The following CACNG3 variants were observed in gnomAD, a reference collection of about 807,000 sequenced individuals.
CACNG3 encodes the protein calcium voltage-gated channel auxiliary subunit gamma 3.
In CACNG3, 3 loss-of-function variants were observed where a neutral mutation model predicts 28.5. The observed-to-expected ratio is 0.11, with a 90% CI of 0.05 to 0.27. The LOEUF (loss-of-function observed/expected upper bound fraction) is 0.27. CACNG3 is among the 10% of genes least tolerant of loss of function. The pLI, the probability that CACNG3 is intolerant of heterozygous loss-of-function variation, is 1.00. For missense variants in CACNG3, 236 were observed against 414.4 expected, an observed-to-expected ratio of 0.57 and a Z score of 3.74; for synonymous variants, 174 against 162.2, an observed-to-expected ratio of 1.07 and a Z score of -0.55.
chr16:24,333,033 A>T (rs1899652350), intron 1 of CACNG3, among the ~76,000 whole-genome samples: 1 of 152,264 alleles, frequency 6.6e-6, no homozygotes, highest in Non-Finnish European at 1.5e-5. Context: ...TGAATATCAA[A>T]GGATTAACAG....
At chr16:24,292,559 C>A (rs1898979796) in intron 1 of CACNG3, among the ~76,000 whole-genome samples, 4 of 152,106 alleles carry the variant, frequency 2.6e-5, no homozygotes, top group Admixed American at 2.0e-4. Context: ...CTGCCTTCCT[C>A]TTCTCTTCTC....
intron 1 of CACNG3, among the ~76,000 whole-genome samples, chr16:24,346,377 A>T (rs1386622135): frequency 6.6e-6 from 1 of 152,142 alleles, no homozygotes; most frequent in Non-Finnish European, 1.5e-5. Context: ...GTTTGAGGCC[A>T]GCCTGGGCAA....
chr16:24,275,417 A>G (rs1898741016), intron 1 of CACNG3, among the ~76,000 whole-genome samples: 1 of 152,192 alleles, frequency 6.6e-6, no homozygotes, highest in South Asian at 2.1e-4. Context: ...ATTAAATCTC[A>G]GACCTTGAGT....
intron 3 of CACNG3, among the ~76,000 whole-genome samples, chr16:24,357,232 TAAA>T (rs36102827): frequency 0.16 from 17,589 of 113,048 alleles, 1,382 homozygotes; most frequent in East Asian, 0.35. Context: ...CACTCCATCT[TAAA>T]AAAAAAAAAA....
chr16:24,326,167 C>CT (rs1899538912), intron 1 of CACNG3, among the ~76,000 whole-genome samples: 1 of 92,728 alleles, frequency 1.1e-5, no homozygotes, highest in Admixed American at 1.4e-4. Flanking sequence ...TTTGTTTTTT[C>CT]TTTTTTCTTT....
intron 1 of CACNG3, among the ~76,000 whole-genome samples, chr16:24,317,996 C>T (rs1387549726): frequency 6.6e-6 from 1 of 152,190 alleles, no homozygotes; most frequent in Non-Finnish European, 1.5e-5. Flanking sequence ...TTGGTCTCAG[C>T]CCAGATGCCC....
At chr16:24,257,825 A>G (rs1426453944) in intron 1 of CACNG3, among the ~76,000 whole-genome samples, 1 of 152,230 alleles carries the variant, frequency 6.6e-6, no homozygotes, top group African/African-American at 2.4e-5. Context: ...AGAAAGAGCA[A>G]TTTAAAAATA....
intron 2 of CACNG3, among the ~76,000 whole-genome samples, chr16:24,352,475 C>G (rs886972939): frequency 4.6e-5 from 7 of 152,172 alleles, no homozygotes; most frequent in Non-Finnish European, 8.8e-5. Context: ...GGTCTACCCC[C>G]GCAGTCCAAG....
At chr16:24,354,142 T>A (rs1290104713) in intron 2 of CACNG3, among the ~76,000 whole-genome samples, 4 of 152,076 alleles carry the variant, frequency 2.6e-5, no homozygotes, top group Non-Finnish European at 2.9e-5. Flanking sequence ...CAGTGAGCCG[T>A]GATTGCACCA....
At chr16:24,270,940 G>C (rs572298704) in intron 1 of CACNG3, among the ~76,000 whole-genome samples, 5 of 152,342 alleles carry the variant, frequency 3.3e-5, no homozygotes, top group African/African-American at 1.2e-4. Flanking sequence ...GCAAAGGCTT[G>C]AAGCGGGGAA....
Position 24,361,280 on chromosome 16 carries a change from A to G in CACNG3, c.437-72A>G, listed in dbSNP as rs1259980502. On this transcript the variant is annotated intron_variant, in intron 3 of 3. Transcript: ENST00000005284. This position sits in a 1 kb window ranked among gnomAD's most constrained non-coding sequence, Gnocchi z 6.8. ...CATTACCTCCACATTTTCTATAAATATTTTAAGATGGAAAGTGACAGTTCT... is the reference window on the plus strand; with the variant it reads ...CATTACCTCCACATTTTCTATAAATGTTTTAAGATGGAAAGTGACAGTTCT... 10 of 1,223,438 alleles carry G rather than the reference A, an allele frequency of 8.2e-6. No homozygotes were observed. The allele number at this position is 1,223,438 out of a possible 1,614,324, so 75.8% of individuals were successfully genotyped here.
intron 1 of CACNG3, among the ~76,000 whole-genome samples, chr16:24,263,420 C>T (rs1012334450): frequency 3.3e-5 from 5 of 152,144 alleles, no homozygotes; most frequent in Admixed American, 2.0e-4. Context: ...CATATGGAAG[C>T]ATCATCCAAT....
At chr16:24,259,479 TC>T (rs920546203) in intron 1 of CACNG3, among the ~76,000 whole-genome samples, 3 of 152,244 alleles carry the variant, frequency 2.0e-5, no homozygotes, top group African/African-American at 7.2e-5. Context: ...CTCAAAATCC[TC>T]ATTTTCTGGT....
chr16:24,287,495 G>A (rs1183484596), intron 1 of CACNG3, among the ~76,000 whole-genome samples: 1 of 128,380 alleles, frequency 7.8e-6, no homozygotes, highest in Admixed American at 9.4e-5. Flanking sequence ...TCCAGCTGGG[G>A]CAACAAAGCG....
chr16:24,354,343 G>A (rs1272812436), intron 2 of CACNG3, among the ~76,000 whole-genome samples: 2 of 152,138 alleles, frequency 1.3e-5, no homozygotes, highest in African/African-American at 2.4e-5. Context: ...ACCCTCCCAG[G>A]GACCTGAGGC....
At chr16:24,274,431 G>T (rs544321110) in intron 1 of CACNG3, among the ~76,000 whole-genome samples, 19 of 152,230 alleles carry the variant, frequency 1.2e-4, no homozygotes, top group African/African-American at 4.6e-4. Flanking sequence ...TTTGGTGTTG[G>T]TTATTACCAT....
chr16:24,357,705 G>C (rs1020102651), intron 3 of CACNG3, among the ~76,000 whole-genome samples: 1 of 152,182 alleles, frequency 6.6e-6, no homozygotes, highest in Non-Finnish European at 1.5e-5. Context: ...CAAACCCAGG[G>C]ACTTGTTTTG....
intron 2 of CACNG3, among the ~76,000 whole-genome samples, chr16:24,351,978 G>A (rs1216135553): frequency 1.3e-5 from 2 of 151,724 alleles, no homozygotes; most frequent in African/African-American, 4.8e-5. Flanking sequence ...ACCACGCCCG[G>A]CTAATTTTTT....
intron 1 of CACNG3, among the ~76,000 whole-genome samples, chr16:24,271,551 T>A (rs932631450): frequency 6.6e-6 from 1 of 152,154 alleles, no homozygotes; most frequent in Non-Finnish European, 1.5e-5. Flanking sequence ...CTTCTCAGCC[T>A]GGAGATCCAA....
Sources: gnomAD v4.1 joint callset for allele counts (sites outside exome capture counted in the v4.1 genomes callset) on GRCh38, gnomAD v4.1.1 for gene constraint, Gnocchi (gnomAD v3.1) non-coding constraint, MANE v1.5 for transcripts, NCBI Gene and HGNC (gene_info 2026-07-23, HGNC 2026-07-21) for gene names.